The following MIPOL1 variants were observed in gnomAD, a reference collection of about 807,000 sequenced individuals.
The protein encoded by MIPOL1 is mirror-image polydactyly gene 1 protein.
MIPOL1 carries 57 observed loss-of-function variants against 60.9 expected under a neutral mutation model. That is an observed-to-expected ratio of 0.94 (90% confidence interval 0.76 to 1.17). The LOEUF is 1.17. Among genes scored for constraint, MIPOL1 ranks in the 50% most tolerant of loss-of-function variants. MIPOL1 has a pLI of 0.00. For missense variants in MIPOL1, 551 were observed against 511.6 expected, an observed-to-expected ratio of 1.08 and a Z score of -0.74; for synonymous variants, 179 against 168.8, an observed-to-expected ratio of 1.06 and a Z score of -0.47.
At chr14:37,534,229 G>A (rs1050364985) in intron 12 of MIPOL1, among the ~76,000 whole-genome samples, 3 of 152,132 alleles carry the variant, frequency 2.0e-5, no homozygotes, top group Non-Finnish European at 4.4e-5. Context: ...TACTTAGGGT[G>A]AAATTTTATC....
At chr14:37,269,767 CT>C (rs1362578630) in intron 5 of MIPOL1, among the ~76,000 whole-genome samples, 8 of 152,092 alleles carry the variant, frequency 5.3e-5, no homozygotes, top group African/African-American at 1.7e-4. Flanking sequence ...AGGCAAATCC[CT>C]TCCAAATATT....
chr14:37,531,310 C>G (rs1225538751), intron 12 of MIPOL1, among the ~76,000 whole-genome samples: 1 of 152,070 alleles, frequency 6.6e-6, no homozygotes. Context: ...ACGTTACCCT[C>G]TTTTCTTTCC....
chr14:37,383,968 A>G (rs969370861), intron 10 of MIPOL1, among the ~76,000 whole-genome samples: 1 of 151,872 alleles, frequency 6.6e-6, no homozygotes, highest in Admixed American at 6.6e-5. Context: ...TTCATTGCCT[A>G]GAAACAGATT....
rs1320105111 is a variant in MIPOL1, at chr14:37,518,303, A to G, written c.1262+18165A>G. Among the ~76,000 whole-genome samples, 3 of 152,352 alleles carry G rather than the reference A, an allele frequency of 2.0e-5. No homozygotes were observed. In the East Asian group the frequency reaches 5.8e-4, roughly 29 times the overall value. On this transcript the variant is annotated intron_variant, in intron 12 of 12. Transcript: ENST00000684589. ...ATGGAATTAGGAAATAGAAACTGTAATGTTAAATTTGAATTAGAAATATCA... is the reference window on the plus strand; with the variant it reads ...ATGGAATTAGGAAATAGAAACTGTAGTGTTAAATTTGAATTAGAAATATCA...
intron 1 of MIPOL1, among the ~76,000 whole-genome samples, chr14:37,233,235 A>G (rs1970907902): frequency 6.6e-6 from 1 of 152,206 alleles, no homozygotes; most frequent in Admixed American, 6.5e-5. Context: ...TACAGACACT[A>G]CAAAGGTTAG....
intron 1 of MIPOL1, among the ~76,000 whole-genome samples, chr14:37,203,868 C>T (rs970152690): frequency 2.0e-5 from 3 of 152,138 alleles, no homozygotes; most frequent in East Asian, 1.9e-4. Flanking sequence ...CTGCAACCTC[C>T]GCCTCCCGGG....
chr14:37,515,141 A>G (rs770943445), intron 12 of MIPOL1, among the ~76,000 whole-genome samples: 1 of 152,174 alleles, frequency 6.6e-6, no homozygotes, highest in East Asian at 1.9e-4. Context: ...GATTAACTTT[A>G]TTCTTGATCA....
intron 1 of MIPOL1, among the ~76,000 whole-genome samples, chr14:37,217,292 C>T (rs1031606889): frequency 6.6e-6 from 1 of 152,136 alleles, no homozygotes; most frequent in African/African-American, 2.4e-5. Flanking sequence ...GACCTGATGG[C>T]TTTACTGCTG....
At chr14:37,369,424 G>T in intron 9 of MIPOL1, 93 bp from the exon 10 acceptor site, 6 of 756,386 alleles carry the variant, frequency 7.9e-6, no homozygotes, top group South Asian at 2.1e-5. Flanking sequence ...GTCTTTTAGA[G>T]AATACAATGA....
intron 10 of MIPOL1, chr14:37,385,627 A>G (rs1027291256): frequency 1.2e-4 from 19 of 152,020 alleles, no homozygotes; most frequent in African/African-American, 4.1e-4. Flanking sequence ...CTTCTATTTT[A>G]TACATTTTAT....
rs56361320 is a variant in MIPOL1, at chr14:37,394,057, CATATATATATAT to C, written c.936+24450_936+24461del. ...ATTCCTTTTTATGGCTTAGTAGTGG[CATATATATATAT>C]ATATATATATATATATCTCCATGTT... On this transcript the variant is annotated intron_variant, in intron 10 of 12. Coordinates refer to ENST00000684589, the MANE Select transcript of MIPOL1 (RefSeq NM_001388067.1). 4.3e-3 allele frequency among the ~76,000 whole-genome samples: 315 copies of C among 73,300 alleles called. 17 individuals are homozygous for C. The highest frequency in any genetic ancestry group is 0.012 in the African/African-American group (252 of 21,028). The allele number at this position is 73,300 out of a possible 152,430, so 48.1% of individuals were successfully genotyped here.
intron 1 of MIPOL1, among the ~76,000 whole-genome samples, chr14:37,207,742 T>TGA (rs1479614210): frequency 0.073 from 11,069 of 151,884 alleles, 1,351 homozygotes; most frequent in African/African-American, 0.25. Context: ...GATGGGGTTT[T>TGA]ACCACATTGG....
chr14:37,450,539 T>C (rs2094402381), intron 11 of MIPOL1, among the ~76,000 whole-genome samples: 2 of 152,126 alleles, frequency 1.3e-5, no homozygotes, highest in Non-Finnish European at 2.9e-5. Context: ...TTTTTTTCAT[T>C]TTTGTATTCT....
intron 3 of MIPOL1, among the ~76,000 whole-genome samples, chr14:37,249,046 A>G (rs1973664792): frequency 6.6e-6 from 1 of 152,086 alleles, no homozygotes; most frequent in East Asian, 1.9e-4. Flanking sequence ...AGTCAGATAG[A>G]TAAGAGCAGC....
At chr14:37,315,551 C>T (rs1378547343) in intron 9 of MIPOL1, among the ~76,000 whole-genome samples, 2 of 151,874 alleles carry the variant, frequency 1.3e-5, no homozygotes, top group Non-Finnish European at 2.9e-5. Flanking sequence ...TTTGAAAGTA[C>T]GATAAGTAGG....
At chr14:37,527,259 T>C (rs2095453774) in intron 12 of MIPOL1, among the ~76,000 whole-genome samples, 1 of 152,072 alleles carries the variant, frequency 6.6e-6, no homozygotes, top group African/African-American at 2.4e-5. Flanking sequence ...TTTTACAGTG[T>C]CAGAATTGTG....
At chr14:37,544,962 C>T (rs1375714960) in intron 12 of MIPOL1, among the ~76,000 whole-genome samples, 1 of 152,268 alleles carries the variant, frequency 6.6e-6, no homozygotes, top group African/African-American at 2.4e-5. Flanking sequence ...AGAAGAAGCA[C>T]AACACAGATT....
Position 37,267,050 on chromosome 14 carries a change from ATTAG to A in MIPOL1, c.136_139del (p.Val46MetfsTer3). 6.2e-7 allele frequency: 1 copy of A among 1,614,054 alleles called. No homozygotes were observed. Among genetic ancestry groups the A allele is most frequent in the Non-Finnish European group, 8.5e-7 (1 of 1,179,964 alleles). ...AAAGTATGCATCGGAAATCCACTGA[ATTAG>A]TTAATGAAATAACATGTGAGAACAC... On this transcript the variant is annotated frameshift_variant, in exon 4 of 13. Coordinates refer to ENST00000684589, the MANE Select transcript of MIPOL1 (RefSeq NM_001388067.1). LOFTEE classifies it high-confidence loss of function.
intron 11 of MIPOL1, among the ~76,000 whole-genome samples, chr14:37,461,326 C>T (rs1196560482): frequency 6.6e-6 from 1 of 152,114 alleles, no homozygotes; most frequent in Non-Finnish European, 1.5e-5. Flanking sequence ...AGAGCTTGTG[C>T]AAGGGAACTC....
Sources: gnomAD v4.1 joint callset for allele counts (sites outside exome capture counted in the v4.1 genomes callset) on GRCh38, gnomAD v4.1.1 for gene constraint, MANE v1.5 for transcripts, NCBI Gene and HGNC (gene_info 2026-07-23, HGNC 2026-07-21) for gene names.